The following LVRN variants were observed in gnomAD, a reference collection of about 807,000 sequenced individuals.
LVRN encodes aminopeptidase Q.
LVRN carries 99 observed loss-of-function variants against 111.4 expected under a neutral mutation model. That is an observed-to-expected ratio of 0.89 (90% CI 0.76 to 1.05). The LOEUF (loss-of-function observed/expected upper bound fraction) is 1.05. LVRN is among the 50% of genes least tolerant of loss of function. LVRN has a pLI of 0.00. For missense variants in LVRN, 1,414 were observed against 1,206.8 expected, an observed-to-expected ratio of 1.17 and a Z score of -2.54; for synonymous variants, 488 against 449.5, an observed-to-expected ratio of 1.09 and a Z score of -1.08.
At chr5:115,982,177 T>G (rs1282662010) in intron 1 of LVRN, among the ~76,000 whole-genome samples, 13 of 152,204 alleles carry the variant, frequency 8.5e-5, no homozygotes, top group Admixed American at 7.9e-4. Flanking sequence ...AATGAGGTTA[T>G]GACACCTCAA....
intron 6 of LVRN, among the ~76,000 whole-genome samples, chr5:115,997,193 G>C (rs1190120285): frequency 6.6e-6 from 1 of 151,982 alleles, no homozygotes; most frequent in Non-Finnish European, 1.5e-5. Context: ...CCCATTTTCG[G>C]ACGGCAACTG....
At chr5:115,985,745 A>G (rs1169114768) in intron 3 of LVRN, among the ~76,000 whole-genome samples, 1 of 152,216 alleles carries the variant, frequency 6.6e-6, no homozygotes, top group Non-Finnish European at 1.5e-5. Context: ...TTTTCACCCA[A>G]TTACCCCCTT....
rs572172080 is a variant in LVRN at position 116,019,090 on chromosome 5, A to C, written c.2757-3301A>C. Among the ~76,000 whole-genome samples the C allele has an allele frequency of 6.6e-5, 10 of 152,220 alleles. No individual in the cohort carries two copies. The South Asian group carries it at 2.1e-3, about 31-fold the overall frequency. On this transcript the variant is annotated intron_variant, in intron 18 of 19. Coordinates refer to ENST00000357872, the MANE Select transcript of LVRN (RefSeq NM_173800.5). Reference sequence around the variant, plus strand: ...GTACTTACACAAACCTAGATGGTAGAGCCTACTACACACCTGGGCTCTATG... The same window carrying C: ...GTACTTACACAAACCTAGATGGTAGCGCCTACTACACACCTGGGCTCTATG...
intron 1 of LVRN, chr5:115,975,078 T>C (rs560903698): frequency 1.2e-5 from 4 of 333,430 alleles, no homozygotes; most frequent in African/African-American, 2.2e-5. Context: ...CTAAACTTAA[T>C]GGCAACCAGA....
chr5:115,987,698 C>A, intron 3 of LVRN, 115 bp from the exon 4 acceptor site: 1 of 1,259,852 alleles, frequency 7.9e-7, no homozygotes, highest in Non-Finnish European at 1.1e-6. Context: ...TATTATGCAG[C>A]TTCTTCTGGA....
Position 116,003,259 on chromosome 5 carries a change from A to G in LVRN, c.1916A>G (p.Gln639Arg). 1 of 1,580,352 alleles carries G rather than the reference A, an allele frequency of 6.3e-7. No homozygotes were observed. Among genetic ancestry groups the G allele is most frequent in the South Asian group, 1.2e-5 (1 of 85,288 alleles). The stretch of plus-strand genomic sequence containing the variant: ...TTTATAGAAGTATTCCCAGAAATGC[A>G]AGTTTCAGATTCTGACCATGACTGG... ...DQSSKVFPEM[Q>R]VSDSDHDWVI... The change falls in exon 12 of 20, where the codon CAA becomes CGA. Residue 639 changes from glutamine to arginine, a missense_variant. Transcript: ENST00000357872.
chr5:116,017,901 A>C (rs1748635219), intron 18 of LVRN, among the ~76,000 whole-genome samples: 1 of 152,202 alleles, frequency 6.6e-6, no homozygotes, highest in South Asian at 2.1e-4. Context: ...TGAAATTTAT[A>C]ACATCCCTCA....
intron 19 of LVRN, among the ~76,000 whole-genome samples, chr5:116,024,357 G>T (rs1285705856): frequency 6.6e-6 from 1 of 151,952 alleles, no homozygotes; most frequent in Non-Finnish European, 1.5e-5. Context: ...TACATATGTG[G>T]GTCATAAAGG....
intron 9 of LVRN, among the ~76,000 whole-genome samples, 187 bp downstream of exon 9, chr5:116,000,845 A>C (rs1748222828): frequency 6.6e-6 from 1 of 152,194 alleles, no homozygotes; most frequent in Non-Finnish European, 1.5e-5. Context: ...AGAGCATGGA[A>C]TATGTTAGAT....
chr5:115,970,606 C>T (rs543523811), intron 1 of LVRN, among the ~76,000 whole-genome samples: 1 of 152,072 alleles, frequency 6.6e-6, no homozygotes, highest in African/African-American at 2.4e-5. Context: ...GAGATGGCCT[C>T]GATATTCTGA....
chr5:116,020,839 T>G (rs1336557483), intron 18 of LVRN, among the ~76,000 whole-genome samples: 1 of 152,162 alleles, frequency 6.6e-6, no homozygotes, highest in Non-Finnish European at 1.5e-5. Flanking sequence ...CAGACTGGAG[T>G]ACCCAAATCA....
At chr5:115,964,479 A>C (rs1580372324) in intron 1 of LVRN, among the ~76,000 whole-genome samples, 1 of 152,228 alleles carries the variant, frequency 6.6e-6, no homozygotes, top group East Asian at 1.9e-4. Flanking sequence ...TAGTTTTGAA[A>C]TTTTCTTATT....
intron 4 of LVRN, 98 bp downstream of exon 4, chr5:115,988,037 A>G (rs957141786): frequency 2.7e-6 from 4 of 1,463,296 alleles, no homozygotes; most frequent in Admixed American, 4.4e-5. Context: ...AGGATTCACC[A>G]TCACCATTTA....
At chr5:115,965,592 G>T (rs1396706964) in intron 1 of LVRN, among the ~76,000 whole-genome samples, 1 of 152,056 alleles carries the variant, frequency 6.6e-6, no homozygotes, top group Non-Finnish European at 1.5e-5. Flanking sequence ...GTTTTGTTGT[G>T]TCCCCACGCA....
At chr5:115,994,231 T>C (rs2112588296) in intron 6 of LVRN, among the ~76,000 whole-genome samples, 1 of 152,262 alleles carries the variant, frequency 6.6e-6, no homozygotes, top group East Asian at 1.9e-4. Context: ...CATATATTTC[T>C]TAGTCCTGCT....
intron 1 of LVRN, chr5:115,975,172 G>T: frequency 2.2e-6 from 1 of 465,016 alleles, no homozygotes; most frequent in Admixed American, 2.4e-5. Flanking sequence ...AAGTTGCCTG[G>T]TCATAATATT....
At chr5:115,994,108 T>A (rs1748055318) in intron 6 of LVRN, among the ~76,000 whole-genome samples, 1 of 152,182 alleles carries the variant, frequency 6.6e-6, no homozygotes, top group South Asian at 2.1e-4. Flanking sequence ...AACTTCATAT[T>A]TCTACATATT....
In LVRN at chr5:115,993,753, T is replaced by C; in HGVS notation, c.1273T>C (p.Leu425=). The C allele has an allele frequency of 6.2e-7, 1 of 1,603,764 alleles. No individual in the cohort carries two copies. Among genetic ancestry groups the C allele is most frequent in the African/African-American group, 1.3e-5 (1 of 74,620 alleles). ...HEIGHQWFGN[L]VTMNWWNNIW... ...TCATTTCCAAAAGTGGTTTGGAAAC[T>C]TGGTTACCATGAATTGGTGGAACAA... The change falls in exon 6 of 20, where the codon TTG becomes CTG. Residue 425 remains leucine, a synonymous_variant. Transcript: ENST00000357872.
chr5:115,965,699 C>A (rs773939419), intron 1 of LVRN, among the ~76,000 whole-genome samples: 4 of 152,068 alleles, frequency 2.6e-5, no homozygotes, highest in Non-Finnish European at 4.4e-5. Context: ...GTGAGTGAAT[C>A]TCATGAGATC....
Sources: allele counts gnomAD v4.1 joint callset (sites outside exome capture counted in the v4.1 genomes callset), GRCh38; gene constraint gnomAD v4.1.1; transcripts MANE v1.5; gene names NCBI Gene and HGNC (gene_info 2026-07-23, HGNC 2026-07-21).